The following CACNA1E variants were observed in gnomAD, a reference collection of about 807,000 sequenced individuals.
CACNA1E encodes calcium voltage-gated channel subunit alpha1 E.
A neutral mutation model predicts 259.2 loss-of-function variants in CACNA1E; 40 were observed. The ratio of observed to expected loss-of-function variants is 0.15; its 90% confidence interval spans 0.12 to 0.20. The LOEUF (loss-of-function observed/expected upper bound fraction) is 0.20. Among genes scored for constraint, CACNA1E ranks in the 10% least tolerant of loss-of-function variants. The probability of loss-of-function intolerance (pLI) is 1.00; values close to 1 mark genes in which losing one functional copy is unlikely to be tolerated. For synonymous variants in CACNA1E, 1,104 were observed against 1,138.5 expected, an observed-to-expected ratio of 0.97 and a Z score of 0.61; for missense variants, 1,874 against 3,040.1, an observed-to-expected ratio of 0.62 and a Z score of 9.02.
chr1:181,654,982 C>CAAAAA (rs1208750325), intron 7 of CACNA1E, among the ~76,000 whole-genome samples: 30 of 53,326 alleles, frequency 5.6e-4, no homozygotes, highest in East Asian at 1.4e-3. Flanking sequence ...GACTCCATCT[C>CAAAAA]AAAAAAAAAA....
intron 6 of CACNA1E, among the ~76,000 whole-genome samples, chr1:181,609,061 A>T (rs1654500108): frequency 6.6e-6 from 1 of 152,174 alleles, no homozygotes; most frequent in African/African-American, 2.4e-5. Flanking sequence ...AGGAAGAAGA[A>T]ATGGGGAGAG....
At chr1:181,321,085 G>C (rs572790847) in intron 1 of CACNA1E, among the ~76,000 whole-genome samples, 1 of 152,192 alleles carries the variant, frequency 6.6e-6, no homozygotes, top group African/African-American at 2.4e-5. Flanking sequence ...AGAGGAGGGA[G>C]GCTCTTTCTA....
chr1:181,466,587 A>G (rs184074215), intron 2 of CACNA1E, among the ~76,000 whole-genome samples: 1 of 151,004 alleles, frequency 6.6e-6, no homozygotes, highest in East Asian at 1.9e-4. Context: ...GCAAAGCAAA[A>G]CAAAACAAAA....
Position 181,576,910 on chromosome 1 carries a change from AGTGGG to A in CACNA1E, c.513-853_513-849del, listed in dbSNP as rs1402972598. On this transcript the variant is annotated intron_variant, in intron 3 of 47. Transcript: ENST00000367573. ...ACCCCCTTATTTTAGAGATGACAGA[AGTGGG>A]GTTCATAGAGGTTGAGAGACTTGTG... Among the ~76,000 whole-genome samples the A allele has an allele frequency of 2.0e-5, 3 of 152,212 alleles. 1 individual carries two copies. Among genetic ancestry groups the A allele is most frequent in the African/African-American group, 7.2e-5 (3 of 41,446 alleles).
chr1:181,350,576 C>T lies in CACNA1E; in HGVS notation c.-15+32453C>T, dbSNP rs780415737. ...TGCCCAGGACTGAGACAACGTTAGA[C>T]GGAATGAGTCCCTTGGCAGCATTGG... On this transcript the variant is annotated intron_variant, in intron 1 of 11. Coordinates refer to the CACNA1E transcript ENST00000524607. 4.6e-5 allele frequency among the ~76,000 whole-genome samples: 7 copies of T among 152,228 alleles called. 1 individual carries two copies. Among genetic ancestry groups the T allele is most frequent in the South Asian group, 4.1e-4 (2 of 4,820 alleles).
At chr1:181,342,480 T>C (rs1419021234) in intron 1 of CACNA1E, among the ~76,000 whole-genome samples, 1 of 151,832 alleles carries the variant, frequency 6.6e-6, no homozygotes, top group Non-Finnish European at 1.5e-5. Flanking sequence ...AATGGATAAA[T>C]AATAGATTGT....
intron 1 of CACNA1E, among the ~76,000 whole-genome samples, chr1:181,364,990 C>A (rs981148484): frequency 1.3e-5 from 2 of 152,178 alleles, no homozygotes; most frequent in African/African-American, 4.8e-5. Flanking sequence ...GTTCGTTAGC[C>A]AAGCCACCCC....
chr1:181,449,399 G>A (rs1252717611), intron 2 of CACNA1E, among the ~76,000 whole-genome samples: 2 of 152,326 alleles, frequency 1.3e-5, no homozygotes, highest in Admixed American at 6.5e-5. Context: ...TCCTGCTTCA[G>A]TATTCTTGCT....
At chr1:181,742,663 C>G (rs994864188) in intron 25 of CACNA1E, among the ~76,000 whole-genome samples, 26 of 152,206 alleles carry the variant, frequency 1.7e-4, no homozygotes, top group Non-Finnish European at 2.9e-4. Flanking sequence ...CTCCCAGGAG[C>G]AAAGCCCCTC....
At chr1:181,539,187 T>G (rs1668396925) in intron 3 of CACNA1E, among the ~76,000 whole-genome samples, 1 of 152,190 alleles carries the variant, frequency 6.6e-6, no homozygotes, top group Non-Finnish European at 1.5e-5. Context: ...TCCTTCTATT[T>G]TCCGTTACTC....
intron 3 of CACNA1E, among the ~76,000 whole-genome samples, chr1:181,517,391 T>A (rs1481427648): frequency 6.6e-6 from 1 of 152,052 alleles, no homozygotes; most frequent in Non-Finnish European, 1.5e-5. Flanking sequence ...TTCTGAGTAG[T>A]CTGTACTTTA....
Position 181,792,175 on chromosome 1 carries a change from G to T in CACNA1E, c.5899-1490G>T, listed in dbSNP as rs1572906008. 2.0e-5 allele frequency among the ~76,000 whole-genome samples: 3 copies of T among 151,716 alleles called. No individual in the cohort carries two copies. In the South Asian group the frequency reaches 6.2e-4, roughly 31 times the overall value. ...CAGCATTTTGCCTGCCTGGCGATGT[G>T]TCTAGTGGGAAAAAAATCTCAATAA... On this transcript the variant is annotated intron_variant, in intron 44 of 47. Coordinates refer to ENST00000367573, the MANE Select transcript of CACNA1E (RefSeq NM_001205293.3).
intron 7 of CACNA1E, among the ~76,000 whole-genome samples, chr1:181,698,888 G>A (rs1031031155): frequency 2.0e-5 from 3 of 152,064 alleles, no homozygotes; most frequent in Admixed American, 6.5e-5. Context: ...GGATGATAAC[G>A]GTCAACTTAA....
chr1:181,411,995 C>T (rs1657886945), intron 1 of CACNA1E, among the ~76,000 whole-genome samples: 1 of 152,282 alleles, frequency 6.6e-6, no homozygotes, highest in African/African-American at 2.4e-5. Context: ...CGATGTTCTT[C>T]CTGCCTCTTC....
intron 38 of CACNA1E, among the ~76,000 whole-genome samples, chr1:181,780,807 G>A (rs572694140): frequency 6.6e-6 from 1 of 152,282 alleles, no homozygotes; most frequent in Admixed American, 6.5e-5. Flanking sequence ...CCAACTCTTT[G>A]AGCAGCAAGC....
intron 7 of CACNA1E, among the ~76,000 whole-genome samples, chr1:181,707,868 T>C (rs1652946790): frequency 6.6e-6 from 1 of 152,056 alleles, no homozygotes; most frequent in Non-Finnish European, 1.5e-5. Flanking sequence ...GCACAGAATG[T>C]TTTTGCAAAA....
chr1:181,518,666 G>A lies in CACNA1E; in HGVS notation c.512+7156G>A, dbSNP rs73051966. Among the ~76,000 whole-genome samples, 844 of 152,154 alleles carry A rather than the reference G, an allele frequency of 5.5e-3. 8 individuals carry two copies. The highest frequency in any genetic ancestry group is 0.019 in the African/African-American group (800 of 41,488). ...GTTGGGATTGTGCCTTGGGTGGGAG[G>A]GAATTTTTTCTCATGTATGCACTCT... On this transcript the variant is annotated intron_variant, in intron 3 of 47. Transcript: ENST00000367573.
At position 181,348,613 on chromosome 1, in the gene CACNA1E, T is replaced by C. The variant is rs567361251; in HGVS notation, c.-15+30490T>C. On this transcript the variant is annotated intron_variant, in intron 1 of 11. Coordinates refer to the CACNA1E transcript ENST00000524607. ...ACTGTGTATGTGTTGGGTGGGTGTA[T>C]TGTTGCCTCAGTGGTTTTTGTGCCT... Among the ~76,000 whole-genome samples, 47 of 152,258 alleles carry C rather than the reference T, an allele frequency of 3.1e-4. 1 individual carries two copies. The South Asian group carries it at 9.8e-3, about 32-fold the overall frequency.
rs1662417198 is a variant in CACNA1E at position 181,803,437 on chromosome 1, A to G, written c.*4603A>G. 6.6e-6 allele frequency: 1 copy of G among 152,226 alleles called. No individual in the cohort carries two copies. The highest frequency in any genetic ancestry group is 1.5e-5 in the Non-Finnish European group (1 of 68,026). 9.4% of individuals were successfully genotyped at this position (152,226 alleles called of 1,614,324 possible). Reference sequence around the variant, plus strand: ...CCTAACCTTTGTAAGAAGGTGATCAAAGAGATCCTACATTAATAAGCACTG... The same window carrying G: ...CCTAACCTTTGTAAGAAGGTGATCAGAGAGATCCTACATTAATAAGCACTG... On this transcript the variant is annotated 3_prime_UTR_variant, in exon 48 of 48. Transcript: ENST00000367573.
Sources: allele counts gnomAD v4.1 joint callset (sites outside exome capture counted in the v4.1 genomes callset), GRCh38; gene constraint gnomAD v4.1.1; transcripts MANE v1.5; gene names NCBI Gene and HGNC (gene_info 2026-07-23, HGNC 2026-07-21).